Variants in KLHL1 observed in about 807,000 individuals in gnomAD.
KLHL1 encodes the protein kelch like family member 1.
A neutral mutation model predicts 77.7 loss-of-function variants in KLHL1; 47 were observed. The observed-to-expected ratio is 0.60, with a 90% CI of 0.48 to 0.77. The LOEUF (loss-of-function observed/expected upper bound fraction) is 0.77. KLHL1 is among the 30% of genes least tolerant of loss of function. The pLI is 0.00. For synonymous variants in KLHL1, 360 were observed against 325.2 expected (o/e 1.11, Z -1.15); for missense variants, 925 against 910.8 (o/e 1.02, Z -0.20).
intron 1 of KLHL1, among the ~76,000 whole-genome samples, chr13:70,055,707 CT>C (rs1191763318): frequency 6.6e-6 from 1 of 151,934 alleles, no homozygotes; most frequent in African/African-American, 2.4e-5. Flanking sequence ...ACAGTTTTCT[CT>C]TTGTTAATTG....
chr13:69,790,488 T>C (rs1035544883), intron 7 of KLHL1, among the ~76,000 whole-genome samples: 5 of 151,956 alleles, frequency 3.3e-5, no homozygotes, highest in Admixed American at 2.6e-4. Context: ...GACAGAGACA[T>C]GATAACTAAC....
intron 1 of KLHL1, among the ~76,000 whole-genome samples, chr13:70,078,022 C>T (rs1474420131): frequency 6.6e-6 from 1 of 151,878 alleles, no homozygotes; most frequent in Non-Finnish European, 1.5e-5. Context: ...TTCTATTAAC[C>T]TGTTCTCTAC....
At chr13:69,719,219 A>AGC (rs1658989714) in intron 9 of KLHL1, 150 bp downstream of exon 9, 821 of 492,406 alleles carry the variant, frequency 1.7e-3, no homozygotes, top group Middle Eastern at 2.6e-3. Context: ...TGAGAGAGAG[A>AGC]GAGAGAGAGA....
chr13:69,952,477 G>C (rs976230249), intron 3 of KLHL1, among the ~76,000 whole-genome samples: 3 of 151,272 alleles, frequency 2.0e-5, no homozygotes, highest in Non-Finnish European at 4.4e-5. Context: ...AGAAAATATG[G>C]GGTAGGACAG....
intron 4 of KLHL1, among the ~76,000 whole-genome samples, chr13:69,896,712 A>G (rs1468824307): frequency 6.6e-6 from 1 of 150,802 alleles, no homozygotes; most frequent in Non-Finnish European, 1.5e-5. Context: ...TCTGTTGCCC[A>G]GGCTGGAGGG....
intron 6 of KLHL1, among the ~76,000 whole-genome samples, chr13:69,835,318 G>A (rs1878942982): frequency 6.6e-6 from 1 of 152,052 alleles, no homozygotes. Flanking sequence ...TATTTGCATT[G>A]CTCGTCTTAC....
intron 6 of KLHL1, among the ~76,000 whole-genome samples, chr13:69,837,498 C>T (rs192300696): frequency 5.4e-4 from 81 of 150,662 alleles, no homozygotes; most frequent in African/African-American, 1.8e-3. Context: ...TACTTAGGTA[C>T]CTAGCTATAT....
intron 1 of KLHL1, among the ~76,000 whole-genome samples, chr13:69,982,712 A>G (rs1220294219): frequency 6.6e-6 from 1 of 151,908 alleles, no homozygotes; most frequent in East Asian, 1.9e-4. Flanking sequence ...GCAACTAGAA[A>G]CCAAAAAAGA....
intron 1 of KLHL1, among the ~76,000 whole-genome samples, chr13:70,105,351 A>G (rs1352188023): frequency 6.6e-6 from 1 of 151,782 alleles, no homozygotes; most frequent in Non-Finnish European, 1.5e-5. Context: ...TAATGTTTTC[A>G]AAACTCCAAA....
chr13:70,054,860 T>G (rs887183738), intron 1 of KLHL1, among the ~76,000 whole-genome samples: 6 of 151,602 alleles, frequency 4.0e-5, no homozygotes, highest in African/African-American at 1.5e-4. Context: ...ACAAGTTATT[T>G]GAATATATAC....
chr13:69,925,898 C>A (rs1221509085), intron 4 of KLHL1, among the ~76,000 whole-genome samples: 2 of 152,122 alleles, frequency 1.3e-5, no homozygotes, highest in African/African-American at 4.8e-5. Context: ...GTTTTAACTT[C>A]TTGAAAATGT....
At chr13:69,944,774 CAA>C (rs896509404) in intron 3 of KLHL1, among the ~76,000 whole-genome samples, 138 of 152,012 alleles carry the variant, frequency 9.1e-4, no homozygotes, top group African/African-American at 3.1e-3. Context: ...TGAAAAATAA[CAA>C]AGTGAGAATA....
chr13:69,888,006 C>T (rs1006904331), intron 4 of KLHL1, among the ~76,000 whole-genome samples: 8 of 152,214 alleles, frequency 5.3e-5, no homozygotes, highest in East Asian at 1.9e-4. Flanking sequence ...CCATCTTAGA[C>T]TGGATAATTT....
At chr13:69,843,719 A>C (rs1327594788) in intron 5 of KLHL1, among the ~76,000 whole-genome samples, 1 of 151,792 alleles carries the variant, frequency 6.6e-6, no homozygotes. Context: ...TGATTAAATG[A>C]AATTTCAATA....
At chr13:70,051,651 G>A (rs1054836393) in intron 1 of KLHL1, among the ~76,000 whole-genome samples, 2 of 152,034 alleles carry the variant, frequency 1.3e-5, no homozygotes, top group African/African-American at 2.4e-5. Context: ...ATGTTCAAAC[G>A]TAAGTTTATG....
At chr13:69,927,925 C>T (rs923194424) in intron 4 of KLHL1, among the ~76,000 whole-genome samples, 1 of 152,116 alleles carries the variant, frequency 6.6e-6, no homozygotes, top group African/African-American at 2.4e-5. Flanking sequence ...CACACAATAA[C>T]TTGTATATGA....
chr13:69,769,164 G>A (rs1875446680), intron 7 of KLHL1, among the ~76,000 whole-genome samples: 1 of 152,188 alleles, frequency 6.6e-6, no homozygotes, highest in Non-Finnish European at 1.5e-5. Flanking sequence ...AGTCAAGGAA[G>A]ACTTTAGCAA....
At chr13:69,714,603 A>C (rs1876029963) in intron 9 of KLHL1, among the ~76,000 whole-genome samples, 1 of 151,652 alleles carries the variant, frequency 6.6e-6, no homozygotes, top group African/African-American at 2.4e-5. Context: ...ATTTATTTAT[A>C]TATTTTTTGA....
rs74764726 is a variant in KLHL1, at chr13:69,991,914, C to T, written c.498-16112G>A. Among the ~76,000 whole-genome samples, 268 of 152,122 alleles carry T rather than the reference C, an allele frequency of 1.8e-3. 1 individual carries two copies. The East Asian group carries it at 0.033, about 19-fold the overall frequency. On this transcript the variant is annotated intron_variant, in intron 1 of 10. Transcript: ENST00000377844. ...TTAAATTATTTTACCCACTTCTGCACAAAATGTACTTTCCATTTTGTTAAT... is the reference window on the plus strand; with the variant it reads ...TTAAATTATTTTACCCACTTCTGCATAAAATGTACTTTCCATTTTGTTAAT...
Sources: gnomAD v4.1 joint callset for allele counts (sites outside exome capture counted in the v4.1 genomes callset) on GRCh38, gnomAD v4.1.1 for gene constraint, MANE v1.5 for transcripts, NCBI Gene and HGNC (gene_info 2026-07-23, HGNC 2026-07-21) for gene names.